Variants in RBFOX3 observed in about 807,000 individuals in gnomAD.
RBFOX3 encodes RNA binding fox-1 homolog 3, also known as RNA binding protein fox-1 homolog 3.
In RBFOX3, 17 loss-of-function variants were observed where a neutral mutation model predicts 48.7. That is an observed-to-expected ratio of 0.35 (90% CI 0.24 to 0.52). The LOEUF (loss-of-function observed/expected upper bound fraction) is 0.52. RBFOX3 is among the 20% of genes least tolerant of loss of function. RBFOX3 has a pLI of 0.94. For synonymous variants in RBFOX3, 212 were observed against 209.5 expected (o/e 1.01, Z -0.10); for missense variants, 382 against 497.5 (o/e 0.77, Z 2.21).
intron 1 of RBFOX3, among the ~76,000 whole-genome samples, chr17:79,515,102 A>G (rs1247881427): frequency 6.6e-6 from 1 of 152,196 alleles, no homozygotes; most frequent in Non-Finnish European, 1.5e-5. Flanking sequence ...ACCTGGTAAC[A>G]TCTGGCCCCA....
intron 3 of RBFOX3, among the ~76,000 whole-genome samples, chr17:79,279,539 T>C (rs773531604): frequency 5.3e-5 from 8 of 152,072 alleles, no homozygotes; most frequent in East Asian, 1.9e-4. Context: ...GGTGACCAAA[T>C]AGAGCGAAGG....
intron 1 of RBFOX3, among the ~76,000 whole-genome samples, chr17:79,536,857 G>A (rs1220460825): frequency 4.6e-5 from 7 of 152,082 alleles, no homozygotes; most frequent in Non-Finnish European, 8.8e-5. Flanking sequence ...AGGCCGAGGC[G>A]GGCAGATCAC....
At chr17:79,402,637 T>A (rs1169130758) in intron 2 of RBFOX3, among the ~76,000 whole-genome samples, 1 of 152,146 alleles carries the variant, frequency 6.6e-6, no homozygotes, top group Non-Finnish European at 1.5e-5. Flanking sequence ...GACGCTGAGC[T>A]CTACGACTGG....
intron 1 of RBFOX3, among the ~76,000 whole-genome samples, chr17:79,582,130 GTA>G (rs1203010868): frequency 6.7e-6 from 1 of 149,694 alleles, no homozygotes; most frequent in Non-Finnish European, 1.5e-5. Flanking sequence ...GCGTGCCTGT[GTA>G]TGCATGCATG....
intron 4 of RBFOX3, among the ~76,000 whole-genome samples, chr17:79,227,757 G>A (rs1397483151): frequency 1.3e-5 from 2 of 152,182 alleles, no homozygotes; most frequent in African/African-American, 4.8e-5. Context: ...GTGAGGGTGG[G>A]AGAAATCCAG....
Position 79,101,659 on chromosome 17 carries a change from A to C in RBFOX3, c.508-15T>G. The C allele has an allele frequency of 6.5e-7, 1 of 1,550,296 alleles. No homozygotes were observed. Among genetic ancestry groups the C allele is most frequent in the Non-Finnish European group, 8.7e-7 (1 of 1,146,248 alleles). ...GCATTATTGACCTGTTCAAAGAGGG[A>C]AGGAGAGAGAGGAAGAGGGAGGATT... On this transcript the variant is annotated splice_polypyrimidine_tract_variant and intron_variant, in intron 8 of 14. Coordinates refer to ENST00000693108, the MANE Select transcript of RBFOX3 (RefSeq NM_001350451.2).
the RBFOX3 span, among the ~76,000 whole-genome samples, chr17:79,649,005 G>A: frequency 8.5e-5 from 11 of 129,538 alleles, no homozygotes; most frequent in African/African-American, 2.9e-4. Flanking sequence ...TTGAAACATA[G>A]TCTCACTCTG....
chr17:79,355,464 C>A (rs1477242416), intron 2 of RBFOX3, among the ~76,000 whole-genome samples: 1 of 152,228 alleles, frequency 6.6e-6, no homozygotes, highest in Admixed American at 6.5e-5. Flanking sequence ...GTGGCAGAGG[C>A]AGCTCCCCTC....
chr17:79,160,105 C>T (rs1320327910), intron 4 of RBFOX3, among the ~76,000 whole-genome samples: 1 of 152,258 alleles, frequency 6.6e-6, no homozygotes, highest in Non-Finnish European at 1.5e-5. Flanking sequence ...GACTGCCTAG[C>T]TCCGGCCCCG....
At chr17:79,202,172 C>G (rs1180954953) in intron 4 of RBFOX3, among the ~76,000 whole-genome samples, 1 of 152,072 alleles carries the variant, frequency 6.6e-6, no homozygotes, top group Non-Finnish European at 1.5e-5. Context: ...AGGAAGACAC[C>G]CCGGGGTGTG....
chr17:79,271,012 G>A (rs1478841134), intron 3 of RBFOX3, among the ~76,000 whole-genome samples: 1 of 151,764 alleles, frequency 6.6e-6, no homozygotes, highest in Non-Finnish European at 1.5e-5. Flanking sequence ...GCCCAGGACT[G>A]ATGACTTAAT....
rs1184631030 is a variant in RBFOX3, at chr17:79,480,818, C to T, written c.-175+1636G>A. On this transcript the variant is annotated intron_variant, in intron 2 of 14. Coordinates refer to ENST00000693108, the MANE Select transcript of RBFOX3 (RefSeq NM_001350451.2). This position sits in a 1 kb window ranked among gnomAD's most constrained non-coding sequence, Gnocchi z 4.8. ...CACCATTCCCCGTGGTCTTAATGCA[C>T]TGCATTTATCTTCACAGCGTTATGG... 3.3e-5 allele frequency among the ~76,000 whole-genome samples: 5 copies of T among 152,230 alleles called. No individual in the cohort carries two copies. The highest frequency in any genetic ancestry group is 1.2e-4 in the African/African-American group (5 of 41,460).
At chr17:79,617,501 G>A in the RBFOX3 span, among the ~76,000 whole-genome samples, 2 of 152,118 alleles carry the variant, frequency 1.3e-5, no homozygotes, top group Non-Finnish European at 2.9e-5. Context: ...TCCCTCCTTG[G>A]TTTACTTGAT....
At chr17:79,357,433 GC>G (rs1309055312) in intron 2 of RBFOX3, among the ~76,000 whole-genome samples, 1 of 152,192 alleles carries the variant, frequency 6.6e-6, no homozygotes, top group Admixed American at 6.5e-5. Context: ...CTTGAGACTT[GC>G]CTGGTCAACA....
chr17:79,404,344 G>A (rs959393660), intron 2 of RBFOX3, among the ~76,000 whole-genome samples: 1 of 81,026 alleles, frequency 1.2e-5, no homozygotes, highest in African/African-American at 3.9e-5. Context: ...TTTGAGGTGA[G>A]CAGTCTACAC....
chr17:79,217,326 G>A (rs1349665714), intron 4 of RBFOX3, among the ~76,000 whole-genome samples: 1 of 152,202 alleles, frequency 6.6e-6, no homozygotes, highest in Admixed American at 6.5e-5. Flanking sequence ...ACTCGAGGAT[G>A]GGAGAGGAGG....
chr17:79,280,174 TCA>T lies in RBFOX3; in HGVS notation c.-74+27548_-74+27549del, dbSNP rs869248104. Among the ~76,000 whole-genome samples, 28 of 51,792 alleles carry T rather than the reference TCA, an allele frequency of 5.4e-4. No individual in the cohort carries two copies. The East Asian group carries it at 0.013, about 24-fold the overall frequency. The allele number at this position is 51,792 out of a possible 152,430, so 34.0% of individuals were successfully genotyped here. On this transcript the variant is annotated intron_variant, in intron 3 of 14. Transcript: ENST00000693108. ...GTGCACACACACACGCACACACCAC[TCA>T]CACACACATGCACACTTATACACAC... is the stretch of plus-strand genomic sequence containing the variant.
At chr17:79,132,453 G>A (rs1276952776) in intron 4 of RBFOX3, among the ~76,000 whole-genome samples, 1 of 152,236 alleles carries the variant, frequency 6.6e-6, no homozygotes, top group East Asian at 1.9e-4. Flanking sequence ...GTGTACTCAC[G>A]CAGGTGCAGG....
At chr17:79,109,965 A>C (rs1306641053) in intron 5 of RBFOX3, among the ~76,000 whole-genome samples, 2 of 152,092 alleles carry the variant, frequency 1.3e-5, no homozygotes, top group African/African-American at 2.4e-5. Flanking sequence ...GCAGAGGCTA[A>C]GTGGGTTCAA....
Sources: allele counts gnomAD v4.1 joint callset (sites outside exome capture counted in the v4.1 genomes callset), GRCh38; gene constraint gnomAD v4.1.1; non-coding constraint Gnocchi (gnomAD v3.1); transcripts MANE v1.5; gene names NCBI Gene and HGNC (gene_info 2026-07-23, HGNC 2026-07-21).